Variants in SLC2A13 observed in about 807,000 individuals in gnomAD.
The protein encoded by SLC2A13 is proton myo-inositol cotransporter.
A neutral mutation model predicts 64.4 loss-of-function variants in SLC2A13; 32 were observed. The observed-to-expected ratio is 0.50, with a 90% CI of 0.37 to 0.67. The LOEUF (loss-of-function observed/expected upper bound fraction) is 0.67. SLC2A13 is among the 30% of genes least tolerant of loss of function. SLC2A13 has a pLI of 0.00. For missense variants in SLC2A13, 743 were observed against 829.2 expected, an observed-to-expected ratio of 0.90 and a Z score of 1.28; for synonymous variants, 338 against 327.1, an observed-to-expected ratio of 1.03 and a Z score of -0.36.
intron 4 of SLC2A13, among the ~76,000 whole-genome samples, chr12:39,920,447 T>C (rs1945595625): frequency 6.6e-6 from 1 of 152,098 alleles, no homozygotes; most frequent in African/African-American, 2.4e-5. Context: ...CAGAGAGAAC[T>C]GCAGCAGAGG....
chr12:40,047,299 C>A (rs907846091), intron 2 of SLC2A13, among the ~76,000 whole-genome samples: 7 of 152,148 alleles, frequency 4.6e-5, no homozygotes, highest in Non-Finnish European at 8.8e-5. Flanking sequence ...TTCTATTCCC[C>A]AGTATCTACA....
intron 4 of SLC2A13, among the ~76,000 whole-genome samples, chr12:39,924,138 TATGA>T (rs1342345312): frequency 1.3e-5 from 2 of 152,164 alleles, no homozygotes; most frequent in Non-Finnish European, 1.5e-5. Flanking sequence ...ACTCTTAAAA[TATGA>T]ATGATGTTTT....
intron 3 of SLC2A13, among the ~76,000 whole-genome samples, chr12:40,019,184 T>C (rs1331805536): frequency 6.6e-6 from 1 of 152,048 alleles, no homozygotes; most frequent in African/African-American, 2.4e-5. Flanking sequence ...GAAGAGAGAT[T>C]GGGAATACAG....
chr12:40,044,480 T>A (rs1325773611), intron 2 of SLC2A13, among the ~76,000 whole-genome samples: 1 of 152,172 alleles, frequency 6.6e-6, no homozygotes, highest in Admixed American at 6.5e-5. Flanking sequence ...ATGAATTACA[T>A]CTCAATAAAG....
intron 4 of SLC2A13, among the ~76,000 whole-genome samples, chr12:39,901,233 A>C (rs550319710): frequency 5.1e-4 from 78 of 152,358 alleles, no homozygotes; most frequent in African/African-American, 1.9e-3. Flanking sequence ...GAAACCATAA[A>C]AACCCTAGAA....
At chr12:39,960,620 T>C (rs1946391808) in intron 3 of SLC2A13, among the ~76,000 whole-genome samples, 1 of 151,958 alleles carries the variant, frequency 6.6e-6, no homozygotes, top group Admixed American at 6.6e-5. Flanking sequence ...CCTCAAGTAA[T>C]CCACCCACCT....
intron 3 of SLC2A13, among the ~76,000 whole-genome samples, chr12:39,957,722 T>C (rs911018520): frequency 2.2e-4 from 33 of 152,236 alleles, no homozygotes; most frequent in Admixed American, 6.5e-4. Flanking sequence ...CTCCCAATCA[T>C]GTTCTCACAA....
At chr12:40,055,194 G>A (rs1948316067) in intron 1 of SLC2A13, among the ~76,000 whole-genome samples, 1 of 152,082 alleles carries the variant, frequency 6.6e-6, no homozygotes, top group Admixed American at 6.5e-5. Flanking sequence ...AAGATGCTGG[G>A]AAACTTCAAA....
intron 4 of SLC2A13, among the ~76,000 whole-genome samples, chr12:39,916,067 A>G (rs928710879): frequency 6.6e-6 from 1 of 151,962 alleles, no homozygotes; most frequent in Admixed American, 6.6e-5. Context: ...AACTAGCCTT[A>G]GGAGTTGAAA....
At chr12:40,017,906 A>C (rs1284231872) in intron 3 of SLC2A13, among the ~76,000 whole-genome samples, 7 of 151,152 alleles carry the variant, frequency 4.6e-5, no homozygotes, top group Admixed American at 4.0e-4. Flanking sequence ...AACATTGACA[A>C]CTTTACCTTC....
intron 4 of SLC2A13, among the ~76,000 whole-genome samples, chr12:39,920,836 G>A (rs147968608): frequency 6.6e-6 from 1 of 152,148 alleles, no homozygotes; most frequent in East Asian, 1.9e-4. Flanking sequence ...ACCTTAGCTA[G>A]CCACAGAATG....
rs191991062 is a variant in SLC2A13 at position 39,947,944 on chromosome 12, G to A, written c.1034+3313C>T. 1.7e-3 allele frequency among the ~76,000 whole-genome samples: 253 copies of A among 152,186 alleles called. 1 individual carries two copies. Among genetic ancestry groups the A allele is most frequent in the Middle Eastern group, 3.4e-3 (1 of 294 alleles). On this transcript the variant is annotated intron_variant, in intron 4 of 9. Coordinates refer to ENST00000280871, the MANE Select transcript of SLC2A13 (RefSeq NM_052885.4). Reference sequence around the variant, plus strand: ...CAAAGTGCTGGAATTACAGGCATGAGCCACCGCGCCTGGCCGAGAATTTCT... The same window carrying A: ...CAAAGTGCTGGAATTACAGGCATGAACCACCGCGCCTGGCCGAGAATTTCT...
intron 3 of SLC2A13, among the ~76,000 whole-genome samples, chr12:39,996,255 A>G (rs945809287): frequency 1.3e-5 from 2 of 152,184 alleles, no homozygotes; most frequent in South Asian, 4.1e-4. Context: ...TAAACTTGAG[A>G]GAGATGATTT....
rs1419127841 is a variant in SLC2A13, at chr12:39,758,523, G to A, written c.*1503C>T. 1 of 151,816 alleles carries A rather than the reference G, an allele frequency of 6.6e-6. No homozygotes were observed. The highest frequency in any genetic ancestry group is 1.5e-5 in the Non-Finnish European group (1 of 67,768). 9.4% of individuals were successfully genotyped at this position (151,816 alleles called of 1,614,324 possible). ...CAGAAGATTCATTCATATTTTTCCT[G>A]GAACTAGCAAGTAATTTTGTGATCA... On this transcript the variant is annotated 3_prime_UTR_variant, in exon 10 of 10. Transcript: ENST00000280871.
intron 7 of SLC2A13, among the ~76,000 whole-genome samples, chr12:39,824,747 T>G (rs1942622941): frequency 6.6e-6 from 1 of 152,092 alleles, no homozygotes; most frequent in African/African-American, 2.4e-5. Flanking sequence ...GTATGCTACA[T>G]CCAGGGGAGT....
chr12:39,906,231 T>C (rs1424380526), intron 4 of SLC2A13, among the ~76,000 whole-genome samples: 1 of 152,168 alleles, frequency 6.6e-6, no homozygotes, highest in African/African-American at 2.4e-5. Flanking sequence ...CCAACTATCA[T>C]TTATTAGGAA....
At chr12:39,871,053 G>A (rs1944038207) in intron 5 of SLC2A13, among the ~76,000 whole-genome samples, 1 of 151,986 alleles carries the variant, frequency 6.6e-6, no homozygotes, top group Non-Finnish European at 1.5e-5. Context: ...ATAGCTAATT[G>A]ATACATAGGA....
chr12:40,012,232 G>A (rs1247842446), intron 3 of SLC2A13, among the ~76,000 whole-genome samples: 1 of 152,072 alleles, frequency 6.6e-6, no homozygotes, highest in Non-Finnish European at 1.5e-5. Flanking sequence ...TCCAATTATA[G>A]AACTACAAAA....
intron 7 of SLC2A13, among the ~76,000 whole-genome samples, chr12:39,765,466 A>T (rs1940313799): frequency 6.6e-6 from 1 of 151,996 alleles, no homozygotes; most frequent in Admixed American, 6.6e-5. Context: ...CTGAAGTTGA[A>T]CTTCCAGTTC....
Sources: allele counts gnomAD v4.1 joint callset (sites outside exome capture counted in the v4.1 genomes callset), GRCh38; gene constraint gnomAD v4.1.1; transcripts MANE v1.5; gene names NCBI Gene and HGNC (gene_info 2026-07-23, HGNC 2026-07-21).